Variants in DNAJC3 observed in about 807,000 individuals in gnomAD.
DNAJC3 encodes DnaJ heat shock protein family (Hsp40) member C3, also known as dnaJ homolog subfamily C member 3.
Under a neutral mutation model 68.6 loss-of-function variants are expected in DNAJC3, and 38 were observed. That is an observed-to-expected ratio of 0.55 (90% CI 0.43 to 0.73). DNAJC3 has a LOEUF of 0.73. DNAJC3 is among the 30% of genes least tolerant of loss of function. DNAJC3 has a pLI of 0.00. For synonymous variants in DNAJC3, 203 were observed against 204.0 expected (o/e 1.00, Z 0.04); for missense variants, 526 against 591.9 (o/e 0.89, Z 1.16).
At chr13:95,728,118 T>G (rs1881589414) in intron 4 of DNAJC3, among the ~76,000 whole-genome samples, 1 of 152,238 alleles carries the variant, frequency 6.6e-6, no homozygotes, top group Non-Finnish European at 1.5e-5. Flanking sequence ...GATGGACATT[T>G]GGGTTGTTTC....
At chr13:95,719,363 C>T (rs1881247820) in intron 2 of DNAJC3, among the ~76,000 whole-genome samples, 1 of 152,178 alleles carries the variant, frequency 6.6e-6, no homozygotes, top group African/African-American at 2.4e-5. Context: ...CTGTTGGTAA[C>T]CAACTCAACC....
At chr13:95,682,222 C>G (rs557621691) in intron 1 of DNAJC3, among the ~76,000 whole-genome samples, 5 of 152,216 alleles carry the variant, frequency 3.3e-5, no homozygotes, top group Non-Finnish European at 5.9e-5. Flanking sequence ...CTTTTAGACT[C>G]TACCCCACCT....
intron 2 of DNAJC3, among the ~76,000 whole-genome samples, chr13:95,714,761 A>T (rs1881084913): frequency 6.6e-6 from 1 of 152,240 alleles, no homozygotes; most frequent in South Asian, 2.1e-4. Context: ...AGTGTGTCTT[A>T]AAGTATTTAT....
intron 1 of DNAJC3, among the ~76,000 whole-genome samples, chr13:95,701,435 C>T (rs1842809692): frequency 6.6e-6 from 1 of 152,192 alleles, no homozygotes; most frequent in African/African-American, 2.4e-5. Flanking sequence ...ATGGAAAAGG[C>T]ATTGACTTAA....
intron 9 of DNAJC3, among the ~76,000 whole-genome samples, chr13:95,767,216 ACTTT>A (rs1883016970): frequency 6.6e-6 from 1 of 152,042 alleles, no homozygotes; most frequent in African/African-American, 2.4e-5. Flanking sequence ...CCACCATTCT[ACTTT>A]CTGTCACTAT....
chr13:95,703,158 A>G (rs1295233513), intron 1 of DNAJC3, among the ~76,000 whole-genome samples: 1 of 152,218 alleles, frequency 6.6e-6, no homozygotes, highest in East Asian at 1.9e-4. Context: ...ACTTATGTCA[A>G]CAGATCAAGA....
At chr13:95,719,924 G>A (rs1037596042) in intron 2 of DNAJC3, among the ~76,000 whole-genome samples, 18 of 152,160 alleles carry the variant, frequency 1.2e-4, no homozygotes, top group Admixed American at 6.5e-5. Flanking sequence ...CGTATACCAT[G>A]TAAATGCTGT....
Position 95,786,079 on chromosome 13 carries a change from A to T in DNAJC3, c.1208+8A>T. 1.3e-6 allele frequency: 2 copies of T among 1,588,940 alleles called. No homozygotes were observed. The highest frequency in any genetic ancestry group is 1.7e-6 in the Non-Finnish European group (2 of 1,171,130). ...AATCTTGGGAGTAAAAAGGTGAATT[A>T]TTAATTTAAAATTTACTTTGCTATT... is the stretch of plus-strand genomic sequence containing the variant. On this transcript the variant is annotated splice_region_variant and intron_variant, in intron 10 of 11. Transcript: ENST00000602402.
At chr13:95,781,797 ATGTGTG>A (rs1055271988) in intron 9 of DNAJC3, among the ~76,000 whole-genome samples, 1 of 150,990 alleles carries the variant, frequency 6.6e-6, no homozygotes, top group Non-Finnish European at 1.5e-5. Flanking sequence ...TAAACATTGG[ATGTGTG>A]TGTGTGTTTT....
In DNAJC3 at chr13:95,780,283, C is replaced by G. The variant is rs150416236; in HGVS notation, c.1076-5656C>G. Among the ~76,000 whole-genome samples, 582 of 152,242 alleles carry G rather than the reference C, an allele frequency of 3.8e-3. 15 individuals are homozygous for G. The highest frequency in any genetic ancestry group is 7.6e-4 in the Non-Finnish European group (52 of 68,016). On this transcript the variant is annotated intron_variant, in intron 9 of 11. Transcript: ENST00000602402. Reference sequence around the variant, plus strand: ...AGGATGAGCATAGAGTTGCTGTTCTCTGGGATCTGCCGCACAGGCTGTTTC... The same window carrying G: ...AGGATGAGCATAGAGTTGCTGTTCTGTGGGATCTGCCGCACAGGCTGTTTC...
chr13:95,764,131 A>G (rs974872954), intron 9 of DNAJC3, among the ~76,000 whole-genome samples, 178 bp downstream of exon 9: 3 of 152,192 alleles, frequency 2.0e-5, no homozygotes, highest in African/African-American at 7.2e-5. Context: ...AAGGTATACC[A>G]TGTGAGGAAA....
rs750545480 is a variant in DNAJC3 at position 95,763,764 on chromosome 13, T to C, written c.954+16T>C. On this transcript the variant is annotated intron_variant, in intron 8 of 11. Coordinates refer to ENST00000602402, the MANE Select transcript of DNAJC3 (RefSeq NM_006260.5). ...CTTTTCTAAGGTAACAGTTGACTTG[T>C]TCCCAGAAATGTGAAAACTCAACAT... The C allele has an allele frequency of 6.2e-7, 1 of 1,613,840 alleles. No individual in the cohort carries two copies.
At chr13:95,738,178 G>A (rs1463819814) in intron 4 of DNAJC3, among the ~76,000 whole-genome samples, 1 of 148,098 alleles carries the variant, frequency 6.8e-6, no homozygotes, top group Admixed American at 6.8e-5. Context: ...TTGCACTGTG[G>A]TCTGAGAGAT....
chr13:95,691,187 A>G (rs575115760), intron 1 of DNAJC3, among the ~76,000 whole-genome samples: 2,534 of 143,520 alleles, frequency 0.018, 78 homozygotes, highest in African/African-American at 0.062. Flanking sequence ...CTGGCCAGGC[A>G]GGCGGCTGAC....
intron 1 of DNAJC3, chr13:95,693,567 T>G (rs1296809398): frequency 6.6e-6 from 1 of 150,918 alleles, no homozygotes; most frequent in Non-Finnish European, 1.5e-5. Flanking sequence ...CAGACAACAG[T>G]ACCACCTCAT....
chr13:95,764,679 TATATAC>T (rs1270103435), intron 9 of DNAJC3, among the ~76,000 whole-genome samples: 23 of 120,574 alleles, frequency 1.9e-4, no homozygotes, highest in East Asian at 7.0e-4. Flanking sequence ...TATATATATA[TATATAC>T]ACACACACAC....
intron 2 of DNAJC3, among the ~76,000 whole-genome samples, chr13:95,721,832 T>C (rs1881332335): frequency 6.6e-6 from 1 of 152,100 alleles, no homozygotes; most frequent in African/African-American, 2.4e-5. Context: ...TGACCCACCT[T>C]CCCCTGGCAT....
intron 1 of DNAJC3, among the ~76,000 whole-genome samples, chr13:95,686,716 T>C (rs1185045017): frequency 3.3e-5 from 5 of 152,246 alleles, no homozygotes; most frequent in Non-Finnish European, 5.9e-5. Context: ...TGGGGTTCTC[T>C]ATTGTAGTCC....
intron 1 of DNAJC3, among the ~76,000 whole-genome samples, chr13:95,682,833 A>C (rs1421585831): frequency 6.6e-6 from 1 of 152,212 alleles, no homozygotes; most frequent in East Asian, 1.9e-4. Flanking sequence ...TTGACTTGAT[A>C]ATTGTTATGT....
Sources: allele counts gnomAD v4.1 joint callset (sites outside exome capture counted in the v4.1 genomes callset), GRCh38; gene constraint gnomAD v4.1.1; transcripts MANE v1.5; gene names NCBI Gene and HGNC (gene_info 2026-07-23, HGNC 2026-07-21).